Variants in PCDHGA1 observed in about 807,000 individuals in gnomAD.
The protein encoded by PCDHGA1 is protocadherin gamma-A1.
In PCDHGA1, 32 loss-of-function variants were observed where a neutral mutation model predicts 58.0. That is an observed-to-expected ratio of 0.55 (90% CI 0.42 to 0.74). The LOEUF (loss-of-function observed/expected upper bound fraction) is 0.74. PCDHGA1 is among the 30% of genes least tolerant of loss of function. The pLI is 0.00. For synonymous variants in PCDHGA1, 498 were observed against 501.1 expected (o/e 0.99, Z 0.08); for missense variants, 1,205 against 1,182.3 (o/e 1.02, Z -0.28).
In PCDHGA1 at chr5:141,332,667, C is replaced by T. The variant is rs1756421059; in HGVS notation, c.1983C>T (p.Thr661=). ...CGCTCTCCGCCACTGTCACGCTCACCGTGGCCGTGGCCGACAGGATCTCCG... is the reference window on the plus strand; with the variant it reads ...CGCTCTCCGCCACTGTCACGCTCACTGTGGCCGTGGCCGACAGGATCTCCG... ...QPPLSATVTL[T]VAVADRISDI... Residue 661 remains threonine, a synonymous_variant, in exon 1 of 4, where the codon ACC becomes ACT. Transcript: ENST00000517417. The surrounding 1 kb of genome is among the most constrained non-coding windows in gnomAD (Gnocchi z 4.6). 3 of 1,613,390 alleles carry T rather than the reference C, an allele frequency of 1.9e-6. No individual in the cohort carries two copies. The highest frequency in any genetic ancestry group is 1.7e-6 in the Non-Finnish European group (2 of 1,179,776).
At chr5:141,406,267 G>A (rs2094786630) in intron 1 of PCDHGA1, among the ~76,000 whole-genome samples, 1 of 151,854 alleles carries the variant, frequency 6.6e-6, no homozygotes, top group African/African-American at 2.4e-5. Context: ...CGATCTTCCT[G>A]CTTCAGTTTC....
chr5:141,351,867 C>T, intron 1 of PCDHGA1: 1 of 1,613,254 alleles, frequency 6.2e-7, no homozygotes, highest in Non-Finnish European at 8.5e-7. Context: ...CAGGGCTCCC[C>T]CGCGCTCAGC....
At chr5:141,375,879 G>C in intron 1 of PCDHGA1, 1 of 1,613,144 alleles carries the variant, frequency 6.2e-7, no homozygotes, top group Non-Finnish European at 8.5e-7. Flanking sequence ...AGAGACTCGG[G>C]CCAGAACGCC....
intron 1 of PCDHGA1, among the ~76,000 whole-genome samples, chr5:141,449,978 T>A (rs1025332419): frequency 6.6e-6 from 1 of 151,030 alleles, no homozygotes; most frequent in Non-Finnish European, 1.5e-5. Context: ...GTCCAAAATA[T>A]CACACATTGC....
intron 2 of PCDHGA1, among the ~76,000 whole-genome samples, chr5:141,501,728 C>A (rs1284130771): frequency 1.3e-5 from 2 of 152,134 alleles, no homozygotes; most frequent in East Asian, 1.9e-4. Flanking sequence ...ATATATTACC[C>A]AGTCAGCTTA....
At position 141,416,083 on chromosome 5, in the gene PCDHGA1, A is replaced by T. The variant is rs183563665; in HGVS notation, c.2422-78724A>T. The T allele has an allele frequency of 1.6e-4, 27 of 167,232 alleles. 1 individual carries two copies. The East Asian group carries it at 3.9e-3, about 24-fold the overall frequency. The allele number at this position is 167,232 out of a possible 1,614,324, so 10.4% of individuals were successfully genotyped here. A position where few individuals can be genotyped will look rare whatever the true frequency, so the allele number is the denominator to read the frequency against. On this transcript the variant is annotated intron_variant, in intron 1 of 3. Transcript: ENST00000517417. Reference sequence around the variant, plus strand: ...AGAATACTCAATGCAGTTCTTCCCAAGGAGAAGGGCAATAGGCCTTTTTCA... The same window carrying T: ...AGAATACTCAATGCAGTTCTTCCCATGGAGAAGGGCAATAGGCCTTTTTCA...
chr5:141,341,717 A>C lies in PCDHGA1; in HGVS notation c.2421+8612A>C, dbSNP rs952386254. 8.3e-6 allele frequency: 4 copies of C among 483,170 alleles called. No homozygotes were observed. In the Admixed American group the frequency reaches 1.5e-4, roughly 19 times the overall value. 29.9% of individuals were successfully genotyped at this position (483,170 alleles called of 1,614,324 possible). The stretch of plus-strand genomic sequence containing the variant: ...TGGGCAAATCATCTCATCCACCCAG[A>C]TCAACAATTTTTTCTTTGTTAAAAA... On this transcript the variant is annotated intron_variant, in intron 1 of 3. Coordinates refer to ENST00000517417, the MANE Select transcript of PCDHGA1 (RefSeq NM_018912.3).
At chr5:141,382,968 CT>C (rs774014579) in intron 1 of PCDHGA1, 26 of 1,609,208 alleles carry the variant, frequency 1.6e-5, no homozygotes, top group Admixed American at 8.4e-5. Context: ...TGGGGACCCC[CT>C]GGGAAGCCTG....
At chr5:141,337,503 A>C (rs1756687131) in intron 1 of PCDHGA1, among the ~76,000 whole-genome samples, 1 of 152,250 alleles carries the variant, frequency 6.6e-6, no homozygotes, top group African/African-American at 2.4e-5. Flanking sequence ...CATGATATCA[A>C]GTGAAATAAA....
rs774172640 is a variant in PCDHGA1 at position 141,350,450 on chromosome 5, C to G, written c.2421+17345C>G. 5 of 1,611,784 alleles carry G rather than the reference C, an allele frequency of 3.1e-6. No homozygotes were observed. The Admixed American group carries it at 5.0e-5, about 16-fold the overall frequency. ...TGTCCGGGAGTTGCCAACTCGAAAA[C>G]TGCGGGTTAGTGCAGAGGATTATTT... is the stretch of plus-strand genomic sequence containing the variant. On this transcript the variant is annotated intron_variant, in intron 1 of 3. Transcript: ENST00000517417.
intron 2 of PCDHGA1, among the ~76,000 whole-genome samples, chr5:141,504,359 A>C (rs988295720): frequency 2.6e-5 from 4 of 152,044 alleles, no homozygotes; most frequent in African/African-American, 9.7e-5. Flanking sequence ...TAGGTGCTTC[A>C]GTAGGAAGCA....
rs374709453 is a variant in PCDHGA1 at position 141,346,400 on chromosome 5, G to A, written c.2421+13295G>A. 9.9e-6 allele frequency: 16 copies of A among 1,614,124 alleles called. No homozygotes were observed. In the African/African-American group the frequency reaches 1.6e-4, roughly 16 times the overall value. On this transcript the variant is annotated intron_variant, in intron 1 of 3. Coordinates refer to ENST00000517417, the MANE Select transcript of PCDHGA1 (RefSeq NM_018912.3). ...GCCAGGAGAGCTGTGAGAAAAGCGA[G>A]CCTCTTCTGATAACTCAGGATTTAC...
chr5:141,442,650 G>A (rs192694987), intron 1 of PCDHGA1, among the ~76,000 whole-genome samples: 83 of 152,350 alleles, frequency 5.4e-4, no homozygotes, highest in Admixed American at 9.1e-4. Flanking sequence ...CCTAAGATGA[G>A]AAATATTTGG....
chr5:141,362,713 T>C (rs1762646923), intron 1 of PCDHGA1: 1 of 922,312 alleles, frequency 1.1e-6, no homozygotes, highest in Non-Finnish European at 1.6e-6. Flanking sequence ...AAGTGTTTTC[T>C]CTCTGAAGTG....
At chr5:141,388,376 C>A in intron 1 of PCDHGA1, 1 of 1,613,944 alleles carries the variant, frequency 6.2e-7, no homozygotes, top group Non-Finnish European at 8.5e-7. Context: ...ATATTGGTAG[C>A]AACACACTGC....
At chr5:141,357,884 C>A (rs545523934) in intron 1 of PCDHGA1, among the ~76,000 whole-genome samples, 2 of 152,194 alleles carry the variant, frequency 1.3e-5, no homozygotes, top group Non-Finnish European at 2.9e-5. Context: ...TGAGCCACCT[C>A]ATTTCCTTAA....
chr5:141,484,333 A>T (rs1019527273), intron 1 of PCDHGA1, among the ~76,000 whole-genome samples: 2 of 152,198 alleles, frequency 1.3e-5, no homozygotes, highest in Non-Finnish European at 2.9e-5. Flanking sequence ...CCTTGAAATC[A>T]ATGAATGGTA....
At chr5:141,426,810 C>T (rs769435523) in intron 1 of PCDHGA1, 4 of 456,568 alleles carry the variant, frequency 8.8e-6, no homozygotes, top group Non-Finnish European at 1.8e-5. Flanking sequence ...TTCTAATGAA[C>T]ATTTCTCTCT....
chr5:141,443,826 G>C (rs955306823), intron 1 of PCDHGA1, among the ~76,000 whole-genome samples: 1 of 151,978 alleles, frequency 6.6e-6, no homozygotes, highest in African/African-American at 2.4e-5. Flanking sequence ...AACATAATTA[G>C]GTAAAATGGG....
Sources: gnomAD v4.1 joint callset for allele counts (sites outside exome capture counted in the v4.1 genomes callset) on GRCh38, gnomAD v4.1.1 for gene constraint, Gnocchi (gnomAD v3.1) non-coding constraint, MANE v1.5 for transcripts, NCBI Gene and HGNC (gene_info 2026-07-23, HGNC 2026-07-21) for gene names.